The following BCAT1 variants were observed in gnomAD, a reference collection of about 807,000 sequenced individuals.
The protein encoded by BCAT1 is branched chain amino acid transaminase 1.
A neutral mutation model predicts 52.4 loss-of-function variants in BCAT1; 48 were observed. The observed-to-expected ratio is 0.92, with a 90% CI of 0.73 to 1.16. BCAT1 has a LOEUF of 1.16. BCAT1 is among the 50% of genes most tolerant of loss of function. The pLI is 0.00. For synonymous variants in BCAT1, 167 were observed against 161.3 expected, an observed-to-expected ratio of 1.04 and a Z score of -0.27; for missense variants, 451 against 457.1, an observed-to-expected ratio of 0.99 and a Z score of 0.12.
Position 24,842,179 on chromosome 12 carries a change from A to G in BCAT1, c.720T>C (p.Asn240=), listed in dbSNP as rs1565457682. ...SLFAQCEAVD[N]GCQQVLWLYG... is the part of the protein sequence containing the mutation. Reference sequence around the variant, plus strand: ...AGAGCCACAGGACCTGCTGACACCCATTATCTACTGCTTCACATTGGGCAA... The same window carrying G: ...AGAGCCACAGGACCTGCTGACACCCGTTATCTACTGCTTCACATTGGGCAA... Residue 240 remains asparagine (N), a synonymous_variant, in exon 7 of 11, where the codon AAT becomes AAC. Transcript: ENST00000261192. The G allele has an allele frequency of 1.2e-6, 2 of 1,613,862 alleles. No individual in the cohort carries two copies. Among genetic ancestry groups the G allele is most frequent in the Non-Finnish European group, 1.7e-6 (2 of 1,179,758 alleles).
chr12:24,903,247 G>A (rs1010350504), intron 1 of BCAT1: 4 of 695,472 alleles, frequency 5.8e-6, no homozygotes, highest in African/African-American at 5.6e-5. Flanking sequence ...TGTCACCGGG[G>A]TCGCTTGCGG....
In BCAT1 at chr12:24,811,889, C is replaced by T. The variant is rs577048860; in HGVS notation, c.*6119G>A. ...TATTCTGTTTCTATCTATAAGCTCA[C>T]ATTTAAAAACTACTTCCTCGAACTA... On this transcript the variant is annotated 3_prime_UTR_variant, in exon 11 of 11. Transcript: ENST00000261192. 1.3e-5 allele frequency: 2 copies of T among 152,224 alleles called. No individual in the cohort carries two copies. The highest frequency in any genetic ancestry group is 4.1e-4 in the South Asian group (2 of 4,820). The allele number at this position is 152,224 out of a possible 1,614,324, so 9.4% of individuals were successfully genotyped here.
At chr12:24,926,930 C>T (rs970582276) in intron 1 of BCAT1, among the ~76,000 whole-genome samples, 5 of 151,192 alleles carry the variant, frequency 3.3e-5, no homozygotes, top group Admixed American at 2.0e-4. Flanking sequence ...TCCCCCTCTG[C>T]GAGAAACACC....
At chr12:24,849,323 A>T (rs1941432212) in intron 6 of BCAT1, among the ~76,000 whole-genome samples, 1 of 152,234 alleles carries the variant, frequency 6.6e-6, no homozygotes, top group African/African-American at 2.4e-5. Flanking sequence ...GGCAATGAAG[A>T]CAGCACTTCA....
chr12:24,833,208 G>A (rs977010359), intron 8 of BCAT1, among the ~76,000 whole-genome samples: 1 of 152,114 alleles, frequency 6.6e-6, no homozygotes, highest in African/African-American at 2.4e-5. Flanking sequence ...AATGCTGCTT[G>A]ATGCATGCTC....
intron 8 of BCAT1, among the ~76,000 whole-genome samples, 154 bp from the exon 9 acceptor site, chr12:24,833,017 T>C (rs150427644): frequency 1.2e-3 from 186 of 152,342 alleles, no homozygotes; most frequent in African/African-American, 4.2e-3. Flanking sequence ...ACCATCTTAC[T>C]GGTGAACACA....
At chr12:24,891,713 A>G (rs1181490928) in intron 3 of BCAT1, among the ~76,000 whole-genome samples, 1 of 152,064 alleles carries the variant, frequency 6.6e-6, no homozygotes, top group Non-Finnish European at 1.5e-5. Context: ...CAATCAAAGT[A>G]GCATTCCAAC....
intron 5 of BCAT1, among the ~76,000 whole-genome samples, chr12:24,851,357 C>T (rs1379740102): frequency 6.6e-6 from 1 of 152,150 alleles, no homozygotes; most frequent in Non-Finnish European, 1.5e-5. Context: ...TTTATCTGAA[C>T]TTCAATTAAA....
In BCAT1 at chr12:24,842,121, T is replaced by G; in HGVS notation, c.778A>C (p.Thr260Pro). 3 of 1,613,864 alleles carry G rather than the reference T, an allele frequency of 1.9e-6. No individual in the cohort carries two copies. The highest frequency in any genetic ancestry group is 2.5e-6 in the Non-Finnish European group (3 of 1,179,770). ...ATCCAGTAAAGAAAAAGATTCATAG[T>G]TCCCACTTCAGTGATCTGATGGTCC... The part of the protein sequence containing the change: ...GEDHQITEVG[T>P]MNLFLYWINE... The change falls in exon 7 of 11, where the codon ACT (threonine) becomes CCT (proline). Residue 260 changes from threonine to proline, a missense_variant. Coordinates refer to ENST00000261192, the MANE Select transcript of BCAT1 (RefSeq NM_005504.7).
intron 5 of BCAT1, among the ~76,000 whole-genome samples, chr12:24,855,308 A>G (rs1434270865): frequency 3.4e-5 from 5 of 145,448 alleles, no homozygotes; most frequent in African/African-American, 7.6e-5. Flanking sequence ...GGAGCAGTTA[A>G]AAAAAAAAAA....
chr12:24,925,302 C>A (rs899395823), intron 1 of BCAT1, among the ~76,000 whole-genome samples: 7 of 152,128 alleles, frequency 4.6e-5, no homozygotes, highest in Non-Finnish European at 1.0e-4. Flanking sequence ...TTCAGACTCA[C>A]GACTGCAACA....
intron 3 of BCAT1, among the ~76,000 whole-genome samples, chr12:24,884,512 T>C (rs1942600501): frequency 6.6e-6 from 1 of 152,228 alleles, no homozygotes; most frequent in Non-Finnish European, 1.5e-5. Context: ...CAAGAAATGA[T>C]AAATATGTTC....
intron 5 of BCAT1, among the ~76,000 whole-genome samples, chr12:24,870,235 T>G (rs376589011): frequency 2.0e-4 from 31 of 152,322 alleles, no homozygotes; most frequent in African/African-American, 7.5e-4. Flanking sequence ...GTAATTGAAC[T>G]TGAGACTTAA....
In BCAT1 at chr12:24,949,093, C is replaced by G; in HGVS notation, c.-161G>C. On this transcript the variant is annotated 5_prime_UTR_variant, in exon 1 of 11. Transcript: ENST00000261192. ...GGCGGCGGCGAGTACACGTGGCGGG[C>G]TGGATTGCAGACCGGCCCTCTCGCG... is the stretch of plus-strand genomic sequence containing the variant. The G allele has an allele frequency of 6.0e-6, 4 of 662,130 alleles. No homozygotes were observed. The highest frequency in any genetic ancestry group is 7.7e-6 in the Non-Finnish European group (3 of 387,822). The allele number at this position is 662,130 out of a possible 1,614,324, so 41.0% of individuals were successfully genotyped here. A position where few individuals can be genotyped will look rare whatever the true frequency, so the allele number is the denominator to read the frequency against.
At chr12:24,907,630 C>A (rs986851939) in intron 1 of BCAT1, among the ~76,000 whole-genome samples, 8 of 152,192 alleles carry the variant, frequency 5.3e-5, no homozygotes, top group Non-Finnish European at 1.2e-4. Flanking sequence ...ATTTCCCCAC[C>A]CTTGTGAATG....
intron 5 of BCAT1, among the ~76,000 whole-genome samples, chr12:24,862,951 C>G (rs950703320): frequency 6.6e-6 from 1 of 152,180 alleles, no homozygotes; most frequent in Non-Finnish European, 1.5e-5. Flanking sequence ...CATACATAGG[C>G]ATTTGAAAAT....
intron 1 of BCAT1, among the ~76,000 whole-genome samples, chr12:24,930,767 T>G (rs1943664316): frequency 6.6e-6 from 1 of 152,154 alleles, no homozygotes; most frequent in Non-Finnish European, 1.5e-5. Flanking sequence ...TGGAGATAAG[T>G]TAGAGGCTAA....
intron 2 of BCAT1, among the ~76,000 whole-genome samples, chr12:24,896,935 A>G (rs956978968): frequency 6.6e-6 from 1 of 152,234 alleles, no homozygotes; most frequent in African/African-American, 2.4e-5. Flanking sequence ...ATACACTCAC[A>G]GAAGATGTCC....
intron 1 of BCAT1, among the ~76,000 whole-genome samples, 184 bp downstream of exon 1, chr12:24,948,743 G>A (rs141681730): frequency 3.4e-4 from 52 of 152,296 alleles, no homozygotes; most frequent in Middle Eastern, 3.4e-3. Context: ...ACCGAAATCT[G>A]AACAGAATGC....
Sources: gnomAD v4.1 joint callset for allele counts (sites outside exome capture counted in the v4.1 genomes callset) on GRCh38, gnomAD v4.1.1 for gene constraint, MANE v1.5 for transcripts, NCBI Gene and HGNC (gene_info 2026-07-23, HGNC 2026-07-21) for gene names.